The following TRPM3 variants were observed in gnomAD, a reference collection of about 807,000 sequenced individuals.
The protein encoded by TRPM3 is transient receptor potential cation channel subfamily M member 3, also known as long transient receptor potential channel 3.
Under a neutral mutation model 181.2 loss-of-function variants are expected in TRPM3, and 77 were observed. The observed-to-expected ratio is 0.42, with a 90% CI of 0.35 to 0.51. The LOEUF (loss-of-function observed/expected upper bound fraction) is 0.51, where lower values mean the gene tolerates loss of function less well. Among genes scored for constraint, TRPM3 ranks in the 20% least tolerant of loss-of-function variants. The pLI, the probability that TRPM3 is intolerant of heterozygous loss-of-function variation, is 0.01. For missense variants in TRPM3, 1,759 were observed against 2,196.7 expected (o/e 0.80, Z 3.98); for synonymous variants, 745 against 796.4 (o/e 0.94, Z 1.09).
intron 1 of TRPM3, among the ~76,000 whole-genome samples, chr9:71,247,748 G>C (rs992284350): frequency 7.2e-5 from 11 of 152,284 alleles, no homozygotes; most frequent in Non-Finnish European, 1.3e-4. Context: ...TGGAATACCA[G>C]ATCAGACTCC....
intron 2 of TRPM3, among the ~76,000 whole-genome samples, chr9:70,863,314 C>G (rs2132410326): frequency 6.6e-6 from 1 of 152,242 alleles, no homozygotes; most frequent in East Asian, 1.9e-4. Context: ...CTCCCCTCTA[C>G]CCATTTTCCT....
intron 1 of TRPM3, among the ~76,000 whole-genome samples, chr9:70,875,401 C>T (rs2095853614): frequency 6.6e-6 from 1 of 151,780 alleles, no homozygotes; most frequent in South Asian, 2.1e-4. Context: ...AGTAAACAAA[C>T]AAAAATGTAG....
At chr9:71,194,088 A>G (rs1461709770) in intron 1 of TRPM3, among the ~76,000 whole-genome samples, 1 of 151,900 alleles carries the variant, frequency 6.6e-6, no homozygotes, top group Non-Finnish European at 1.5e-5. Flanking sequence ...AATTTTTGTA[A>G]TTTGTCACCA....
At chr9:70,586,999 G>A (rs1163447434) in intron 22 of TRPM3, among the ~76,000 whole-genome samples, 2 of 148,534 alleles carry the variant, frequency 1.3e-5, no homozygotes, top group African/African-American at 5.2e-5. Context: ...AAAGGAGCAA[G>A]GATTTTTTTT....
At position 71,151,874 on chromosome 9, in the gene TRPM3, A is replaced by G. The variant is rs147787727; in HGVS notation, c.184-287363T>C. 4.6e-5 allele frequency among the ~76,000 whole-genome samples: 7 copies of G among 152,238 alleles called. No homozygotes were observed. The East Asian group carries it at 1.4e-3, about 29-fold the overall frequency. ...AATATTTTGTGTTTTTATTTTGCCA[A>G]AAACATTCGCTGAGCTCTCATGTGA... On this transcript the variant is annotated intron_variant, in intron 1 of 24. Coordinates refer to the TRPM3 transcript ENST00000357533.
At chr9:71,018,225 C>CAAAA (rs150406662) in intron 1 of TRPM3, among the ~76,000 whole-genome samples, 3 of 147,832 alleles carry the variant, frequency 2.0e-5, no homozygotes, top group Non-Finnish European at 3.0e-5. Context: ...ATTAGAAAAG[C>CAAAA]AAAAAAAATG....
chr9:71,373,177 A>C (rs2092572079), intron 1 of TRPM3, among the ~76,000 whole-genome samples: 1 of 152,164 alleles, frequency 6.6e-6, no homozygotes, highest in African/African-American at 2.4e-5. Context: ...AGCTAGAACG[A>C]TCTCAGTTAA....
At chr9:70,693,762 A>T (rs981954400) in intron 8 of TRPM3, among the ~76,000 whole-genome samples, 4 of 152,160 alleles carry the variant, frequency 2.6e-5, no homozygotes, top group Admixed American at 2.6e-4. Flanking sequence ...GGACCTGCCC[A>T]CCAGGAGGTC....
chr9:70,642,365 A>G (rs879871066), intron 9 of TRPM3, among the ~76,000 whole-genome samples: 2 of 152,236 alleles, frequency 1.3e-5, no homozygotes, highest in Non-Finnish European at 2.9e-5. Flanking sequence ...ATTCCTCTTC[A>G]TCATTGCTGC....
chr9:70,782,937 G>C (rs1325541795), intron 7 of TRPM3, among the ~76,000 whole-genome samples: 2 of 152,068 alleles, frequency 1.3e-5, no homozygotes, highest in Non-Finnish European at 2.9e-5. Flanking sequence ...CTGGGCTGCT[G>C]TCAAAGATGA....
intron 6 of TRPM3, among the ~76,000 whole-genome samples, chr9:70,812,576 C>T (rs138998012): frequency 3.0e-3 from 451 of 152,246 alleles, no homozygotes; most frequent in African/African-American, 0.01. Flanking sequence ...CACATACTCC[C>T]CAGGCCATTC....
chr9:70,979,339 TTC>T, intron 1 of TRPM3, among the ~76,000 whole-genome samples: 1 of 152,190 alleles, frequency 6.6e-6, no homozygotes, highest in Middle Eastern at 3.2e-3. Context: ...AAGTGGATGA[TTC>T]ACTCATGCTA....
At chr9:70,653,285 G>A (rs534314197) in intron 9 of TRPM3, among the ~76,000 whole-genome samples, 1 of 152,232 alleles carries the variant, frequency 6.6e-6, no homozygotes, top group South Asian at 2.1e-4. Flanking sequence ...GATACCATCT[G>A]CTGAAGGTGA....
intron 1 of TRPM3, among the ~76,000 whole-genome samples, chr9:71,063,729 G>T (rs565835703): frequency 1.1e-3 from 166 of 152,248 alleles, no homozygotes; most frequent in African/African-American, 3.7e-3. Flanking sequence ...AGCTGGAAAT[G>T]TAGACTGAGA....
At chr9:71,053,136 G>A (rs966057608) in intron 1 of TRPM3, among the ~76,000 whole-genome samples, 5 of 130,524 alleles carry the variant, frequency 3.8e-5, no homozygotes, top group African/African-American at 1.4e-4. Flanking sequence ...GAGAGAAATT[G>A]TCTCTTAAAC....
chr9:71,357,068 G>A (rs2091928625), intron 1 of TRPM3, among the ~76,000 whole-genome samples: 1 of 152,178 alleles, frequency 6.6e-6, no homozygotes, highest in Non-Finnish European at 1.5e-5. Flanking sequence ...AGCAGAGTAT[G>A]TATAAACAGA....
At chr9:70,641,816 G>A (rs1484991276) in intron 9 of TRPM3, among the ~76,000 whole-genome samples, 1 of 152,184 alleles carries the variant, frequency 6.6e-6, no homozygotes, top group Non-Finnish European at 1.5e-5. Flanking sequence ...GGGGAAGCTG[G>A]AAATGGAGGC....
At chr9:70,910,531 A>T (rs1285483361) in intron 1 of TRPM3, among the ~76,000 whole-genome samples, 3 of 152,202 alleles carry the variant, frequency 2.0e-5, no homozygotes, top group Non-Finnish European at 4.4e-5. Flanking sequence ...GTTGTTATAT[A>T]TATTTAGAAG....
intron 1 of TRPM3, among the ~76,000 whole-genome samples, chr9:71,330,241 T>C (rs375069776): frequency 6.6e-6 from 1 of 151,870 alleles, no homozygotes; most frequent in Non-Finnish European, 1.5e-5. Context: ...AAAAACTAGA[T>C]TGCAGATTTT....
Sources: allele counts gnomAD v4.1 joint callset (sites outside exome capture counted in the v4.1 genomes callset), GRCh38; gene constraint gnomAD v4.1.1; transcripts MANE v1.5; gene names NCBI Gene and HGNC (gene_info 2026-07-23, HGNC 2026-07-21).